MGAT5B: variants seen among roughly 807,000 people sequenced by gnomAD.
The protein encoded by MGAT5B is N-acetylglucosaminyl-transferase Vb.
Under a neutral mutation model 95.1 loss-of-function variants are expected in MGAT5B, and 54 were observed. The ratio of observed to expected loss-of-function variants is 0.57; its 90% CI spans 0.46 to 0.71. The LOEUF (loss-of-function observed/expected upper bound fraction) is 0.71, where lower values mean the gene tolerates loss of function less well. Ranked by LOEUF, MGAT5B falls within the 30% of genes least tolerant of loss-of-function variation. The pLI is 0.00. For missense variants in MGAT5B, 935 were observed against 1,088.6 expected, an observed-to-expected ratio of 0.86 and a Z score of 1.99; for synonymous variants, 464 against 451.0, an observed-to-expected ratio of 1.03 and a Z score of -0.36.
At chr17:76,948,158 A>G (rs776728840) in intron 17 of MGAT5B, 72 bp downstream of exon 17, 2 of 1,515,206 alleles carry the variant, frequency 1.3e-6, no homozygotes, top group Middle Eastern at 1.9e-4. Context: ...GAGAGCTCTC[A>G]TGCCCAGAAC....
chr17:76,871,074 G>A (rs1233317167), intron 1 of MGAT5B, among the ~76,000 whole-genome samples: 2 of 152,116 alleles, frequency 1.3e-5, no homozygotes, highest in African/African-American at 4.8e-5. Context: ...ATCCTGGCAG[G>A]CAGCCCAGGT....
chr17:76,902,481 C>A, intron 3 of MGAT5B, 74 bp from the exon 4 acceptor site: 1 of 1,118,728 alleles, frequency 8.9e-7, no homozygotes, highest in Middle Eastern at 2.0e-4. Flanking sequence ...TGCCTGTGGG[C>A]CTTACTGGCA....
intron 3 of MGAT5B, among the ~76,000 whole-genome samples, chr17:76,892,110 G>A (rs892750308): frequency 2.6e-5 from 4 of 152,084 alleles, no homozygotes; most frequent in Non-Finnish European, 2.9e-5. Flanking sequence ...GCAGTGGCTC[G>A]ATCACGGCTC....
intron 2 of MGAT5B, among the ~76,000 whole-genome samples, chr17:76,880,995 C>G (rs1282965886): frequency 6.6e-6 from 1 of 152,160 alleles, no homozygotes; most frequent in Non-Finnish European, 1.5e-5. Context: ...GGTTCATGTT[C>G]CCAGGTGACT....
In MGAT5B at chr17:76,905,080, G is replaced by A. The variant is rs1385007084; in HGVS notation, c.691-89G>A. ...AGCTGGAGCAGGCCCCAGCCTCATG[G>A]GAGGGTGCCAGCCCCTGTCCCCAGG... is the stretch of plus-strand genomic sequence containing the variant. On this transcript the variant is annotated intron_variant, in intron 6 of 17. Coordinates refer to ENST00000569840, the MANE Select transcript of MGAT5B (RefSeq NM_001199172.2). This position sits in a 1 kb window ranked among gnomAD's most constrained non-coding sequence, Gnocchi z 4.2. The A allele has an allele frequency of 2.7e-5, 38 of 1,395,676 alleles. No homozygotes were observed. The highest frequency in any genetic ancestry group is 3.4e-5 in the Non-Finnish European group (35 of 1,038,294). 86.5% of individuals were successfully genotyped at this position (1,395,676 alleles called of 1,614,324 possible). A position where few individuals can be genotyped will look rare whatever the true frequency, so the allele number is the denominator to read the frequency against.
Position 76,868,860 on chromosome 17 carries a change from C to G in MGAT5B, c.-170C>G. 2.5e-6 allele frequency: 1 copy of G among 394,196 alleles called. No individual in the cohort carries two copies. The highest frequency in any genetic ancestry group is 4.3e-6 in the Non-Finnish European group (1 of 232,520). 24.4% of individuals were successfully genotyped at this position (394,196 alleles called of 1,614,324 possible). A position where few individuals can be genotyped will look rare whatever the true frequency, so the allele number is the denominator to read the frequency against. ...CCCTCCGGCAGCCGCGCCGCTCCCT[C>G]CGCTGCACGCCCAGGCCTGAGCAGC... On this transcript the variant is annotated 5_prime_UTR_variant, in exon 1 of 18. Coordinates refer to ENST00000569840, the MANE Select transcript of MGAT5B (RefSeq NM_001199172.2). The surrounding 1 kb of genome is among the most constrained non-coding windows in gnomAD (Gnocchi z 6.3).
chr17:76,927,801 A>G (rs1472412625), intron 10 of MGAT5B, among the ~76,000 whole-genome samples: 1 of 152,224 alleles, frequency 6.6e-6, no homozygotes, highest in Non-Finnish European at 1.5e-5. Flanking sequence ...ATCTGCCTCC[A>G]GCAGCATCTT....
intron 10 of MGAT5B, 116 bp from the exon 11 acceptor site, chr17:76,932,529 C>T (rs1227819560): frequency 4.0e-6 from 6 of 1,482,140 alleles, no homozygotes; most frequent in Non-Finnish European, 5.5e-6. Context: ...CCCTGTGCCC[C>T]GCCCCCTTTC....
chr17:76,933,324 C>T (rs1429805547), intron 12 of MGAT5B, 27 bp downstream of exon 12: 1 of 1,598,184 alleles, frequency 6.3e-7, no homozygotes, highest in East Asian at 2.2e-5. Flanking sequence ...CCGCCTGCCC[C>T]CTCTACCCTC....
intron 5 of MGAT5B, among the ~76,000 whole-genome samples, chr17:76,904,001 A>G (rs1968422062): frequency 6.6e-6 from 1 of 152,162 alleles, no homozygotes; most frequent in African/African-American, 2.4e-5. Flanking sequence ...CAGACCTTTG[A>G]GCCAGTGTTC....
intron 3 of MGAT5B, among the ~76,000 whole-genome samples, chr17:76,884,095 AC>A (rs1235492001): frequency 1.3e-5 from 2 of 152,214 alleles, no homozygotes; most frequent in African/African-American, 2.4e-5. Context: ...CACACTAAGC[AC>A]CTGGCATGGT....
chr17:76,907,495 ACT>A (rs35299192), intron 8 of MGAT5B, among the ~76,000 whole-genome samples: 20,391 of 151,872 alleles, frequency 0.13, 1,762 homozygotes, highest in African/African-American at 0.22. Flanking sequence ...CTTCAAACTC[ACT>A]CTGTTTCAAA....
In MGAT5B at chr17:76,932,712, C is replaced by T. The variant is rs1288655640; in HGVS notation, c.1359C>T (p.Leu453=). The T allele has an allele frequency of 1.7e-5, 28 of 1,613,914 alleles. No individual in the cohort carries two copies. The highest frequency in any genetic ancestry group is 2.4e-5 in the Non-Finnish European group (28 of 1,179,976). ...AGCTCAACGAGACGGAGAAGCGGCTCATCAAAGGCGGCAAGGCCAGCAACA... is the reference window on the plus strand; with the variant it reads ...AGCTCAACGAGACGGAGAAGCGGCTTATCAAAGGCGGCAAGGCCAGCAACA... The part of the protein sequence containing the change: ...SEELNETEKR[L]IKGGKASNMA... The change falls in exon 11 of 18, where the codon CTC becomes CTT. Residue 453 remains leucine (L), a synonymous_variant. Coordinates refer to ENST00000569840, the MANE Select transcript of MGAT5B (RefSeq NM_001199172.2).
chr17:76,870,267 A>T lies in MGAT5B; in HGVS notation c.68+1170A>T, dbSNP rs1036610234. Among the ~76,000 whole-genome samples, 2 of 151,760 alleles carry T rather than the reference A, an allele frequency of 1.3e-5. No homozygotes were observed. The highest frequency in any genetic ancestry group is 4.8e-5 in the African/African-American group (2 of 41,300). ...GCCTGTCTGCTGGGCCGAGGAGGCA[A>T]CCCCAGGGGACGGCAGGGGTCAGGC... On this transcript the variant is annotated intron_variant, in intron 1 of 17. Coordinates refer to ENST00000569840, the MANE Select transcript of MGAT5B (RefSeq NM_001199172.2). The surrounding 1 kb of genome is among the most constrained non-coding windows in gnomAD (Gnocchi z 5.0).
At chr17:76,897,364 A>G (rs1366005987) in intron 3 of MGAT5B, among the ~76,000 whole-genome samples, 1 of 152,168 alleles carries the variant, frequency 6.6e-6, no homozygotes, top group Non-Finnish European at 1.5e-5. Flanking sequence ...AGTTCTGGAG[A>G]CAGAAGTCTG....
In MGAT5B at chr17:76,892,561, TAGG is replaced by T. The variant is rs748984668; in HGVS notation, c.330-9989_330-9987del. On this transcript the variant is annotated intron_variant, in intron 3 of 17. Transcript: ENST00000569840. ...GCCACCCTGAGGTCCAGTGATTTGC[TAGG>T]AGGACTCAGAACTCAGCACAGCCAT... 5.1e-4 allele frequency among the ~76,000 whole-genome samples: 77 copies of T among 152,152 alleles called. 2 individuals carry two copies. Among genetic ancestry groups the T allele is most frequent in the Admixed American group, 3.1e-3 (48 of 15,284 alleles).
chr17:76,906,300 C>A lies in MGAT5B; in HGVS notation c.1025+113C>A, dbSNP rs572160773. 2 of 1,016,698 alleles carry A rather than the reference C, an allele frequency of 2.0e-6. No homozygotes were observed. The highest frequency in any genetic ancestry group is 1.7e-5 in the African/African-American group (1 of 58,802). The allele number at this position is 1,016,698 out of a possible 1,614,324, so 63.0% of individuals were successfully genotyped here. A position where few individuals can be genotyped will look rare whatever the true frequency, so the allele number is the denominator to read the frequency against. Reference sequence around the variant, plus strand: ...GCACCTGCTCTGCCTGCAGGTCCCACGGCCCTGAGACCCTGGGAGACATCC... The same window carrying A: ...GCACCTGCTCTGCCTGCAGGTCCCAAGGCCCTGAGACCCTGGGAGACATCC... On this transcript the variant is annotated intron_variant, in intron 8 of 17. Transcript: ENST00000569840. This position sits in a 1 kb window ranked among gnomAD's most constrained non-coding sequence, Gnocchi z 4.6.
chr17:76,923,269 G>A (rs986070119), intron 8 of MGAT5B, among the ~76,000 whole-genome samples: 2 of 152,166 alleles, frequency 1.3e-5, no homozygotes, highest in Admixed American at 6.5e-5. Flanking sequence ...GCCACTTGCC[G>A]TTAATGAGGA....
At position 76,912,244 on chromosome 17, in the gene MGAT5B, A is replaced by G. The variant is rs1968765455; in HGVS notation, c.1025+6057A>G. Among the ~76,000 whole-genome samples the G allele has an allele frequency of 6.6e-6, 1 of 152,180 alleles. No homozygotes were observed. The highest frequency in any genetic ancestry group is 2.4e-5 in the African/African-American group (1 of 41,444). The stretch of plus-strand genomic sequence containing the variant: ...GTCAATGTTGGGGGTGGAGGACACA[A>G]TGTAAACCCATAATAAGATGGCAAC... On this transcript the variant is annotated intron_variant, in intron 8 of 17. Transcript: ENST00000569840. The surrounding 1 kb of genome is among the most constrained non-coding windows in gnomAD (Gnocchi z 5.0).
Sources: gnomAD v4.1 joint callset for allele counts (sites outside exome capture counted in the v4.1 genomes callset) on GRCh38, gnomAD v4.1.1 for gene constraint, Gnocchi (gnomAD v3.1) non-coding constraint, MANE v1.5 for transcripts, NCBI Gene and HGNC (gene_info 2026-07-23, HGNC 2026-07-21) for gene names.